The following ENTPD5 variants were observed in gnomAD, a reference collection of about 807,000 sequenced individuals.
The protein encoded by ENTPD5 is ectonucleoside triphosphate diphosphohydrolase 5 (inactive).
ENTPD5 carries 49 observed loss-of-function variants against 60.2 expected under a neutral mutation model. The observed-to-expected ratio is 0.81, with a 90% CI of 0.65 to 1.03. ENTPD5 has a LOEUF of 1.03. ENTPD5 is among the 50% of genes least tolerant of loss of function. The probability of loss-of-function intolerance (pLI) is 0.00; values close to 1 mark genes in which losing one functional copy is unlikely to be tolerated. For missense variants in ENTPD5, 480 were observed against 507.6 expected (o/e 0.95, Z 0.52); for synonymous variants, 187 against 185.4 (o/e 1.01, Z -0.07).
chr14:74,002,123 C>T (rs979996363), intron 3 of ENTPD5, among the ~76,000 whole-genome samples: 27 of 152,078 alleles, frequency 1.8e-4, no homozygotes, highest in Admixed American at 9.2e-4. Context: ...GAGTTAGGTG[C>T]TATTATTAAG....
chr14:73,991,625 A>AAAAAG (rs56259684), intron 3 of ENTPD5, among the ~76,000 whole-genome samples: 30,438 of 127,460 alleles, frequency 0.24, 4,802 homozygotes, highest in Non-Finnish European at 0.35. Flanking sequence ...AAAAAAAAAA[A>AAAAAG]ACAATTAGGG....
chr14:73,973,169 T>A, intron 12 of ENTPD5, 145 bp from the exon 13 acceptor site: 1 of 968,186 alleles, frequency 1.0e-6, no homozygotes, highest in Non-Finnish European at 1.5e-6. Flanking sequence ...ACAAGAGGCG[T>A]CAAAACAAAG....
intron 12 of ENTPD5, 88 bp downstream of exon 12, chr14:73,973,789 T>A (rs912797784): frequency 3.7e-5 from 41 of 1,113,204 alleles, no homozygotes; most frequent in Non-Finnish European, 5.6e-5. Flanking sequence ...GATAAGCTTC[T>A]CTTGAGTTCT....
At chr14:73,956,327 C>CAAA (rs34194477), downstream of ENTPD5, 12 of 146,456 alleles carry the variant, frequency 8.2e-5, no homozygotes, top group South Asian at 5.3e-4. Flanking sequence ...GACTCCGTCT[C>CAAA]AAAAAAAAAA....
At chr14:73,969,876 T>C in intron 15 of ENTPD5, 134 bp downstream of exon 15, 1 of 641,674 alleles carries the variant, frequency 1.6e-6, no homozygotes, top group Non-Finnish European at 2.8e-6. Context: ...CCCAGCACAG[T>C]ACCTTGTCCA....
intron 3 of ENTPD5, among the ~76,000 whole-genome samples, chr14:73,997,979 AC>A (rs753223336): frequency 2.5e-4 from 38 of 151,998 alleles, no homozygotes; most frequent in Admixed American, 7.9e-4. Flanking sequence ...TCCAAACTAG[AC>A]CATGGATAGG....
intron 15 of ENTPD5, among the ~76,000 whole-genome samples, chr14:73,967,713 T>A (rs1174845100): frequency 3.5e-5 from 5 of 143,776 alleles, no homozygotes; most frequent in African/African-American, 1.3e-4. Flanking sequence ...GGTGGGAGGG[T>A]CACTTGAACC....
At chr14:73,996,296 T>A in intron 3 of ENTPD5, 1 of 514,776 alleles carries the variant, frequency 1.9e-6, no homozygotes, top group Non-Finnish European at 2.5e-6. Flanking sequence ...CCTCCCTTAC[T>A]CTCTTTTTCT....
chr14:73,996,198 G>T, intron 3 of ENTPD5: 1 of 985,244 alleles, frequency 1.0e-6, no homozygotes. Context: ...TTAATCAAGC[G>T]AGCCTCATGA....
intron 5 of ENTPD5, among the ~76,000 whole-genome samples, chr14:73,984,904 C>T (rs1251208397): frequency 2.0e-5 from 3 of 152,110 alleles, no homozygotes; most frequent in African/African-American, 7.2e-5. Context: ...CCTGCTCCCG[C>T]CACCCCACGA....
At position 73,966,788 on chromosome 14, in the gene ENTPD5, C is replaced by G; in HGVS notation, c.*140G>C. The G allele has an allele frequency of 4.6e-6, 3 of 657,464 alleles. No individual in the cohort carries two copies. The highest frequency in any genetic ancestry group is 8.0e-6 in the Non-Finnish European group (3 of 376,194). 40.7% of individuals were successfully genotyped at this position (657,464 alleles called of 1,614,324 possible). ...TCTTGAGTGGTTAGGCAGCAGTTCACATTAGATGTGTAAAATTAATTAAAC... is the reference window on the plus strand; with the variant it reads ...TCTTGAGTGGTTAGGCAGCAGTTCAGATTAGATGTGTAAAATTAATTAAAC... On this transcript the variant is annotated 3_prime_UTR_variant, in exon 16 of 16. Coordinates refer to ENST00000334696, the MANE Select transcript of ENTPD5 (RefSeq NM_001249.5).
chr14:73,959,576 GTGT>G (rs748847174), downstream of ENTPD5: 38 of 1,613,066 alleles, frequency 2.4e-5, no homozygotes, highest in Middle Eastern at 1.6e-4. Flanking sequence ...ATACAGAAAG[GTGT>G]TGTTTTTTTT....
downstream of ENTPD5, chr14:73,960,469 G>A (rs2056665014): frequency 4.0e-6 from 4 of 992,600 alleles, no homozygotes; most frequent in Non-Finnish European, 4.8e-6. Flanking sequence ...CTCTGTAGTA[G>A]CAACAAGAAT....
chr14:74,002,831 T>C (rs1447410727), intron 3 of ENTPD5, among the ~76,000 whole-genome samples: 5 of 152,174 alleles, frequency 3.3e-5, no homozygotes, highest in Non-Finnish European at 5.9e-5. Flanking sequence ...TGGCTCCCCA[T>C]TTCAGAGAAA....
At position 73,977,378 on chromosome 14, in the gene ENTPD5, G is replaced by C; in HGVS notation, c.442-4C>G. On this transcript the variant is annotated splice_region_variant and splice_polypyrimidine_tract_variant and intron_variant, in intron 6 of 15. Transcript: ENST00000334696. ...ACTTCCTGAAGATCTCCTTTACCTA[G>C]AGAAAAAGGAAAAAAAAAAAAAAAG... The C allele has an allele frequency of 2.2e-6, 3 of 1,354,170 alleles. No homozygotes were observed. Among genetic ancestry groups the C allele is most frequent in the Non-Finnish European group, 2.0e-6 (2 of 993,710 alleles). 83.9% of individuals were successfully genotyped at this position (1,354,170 alleles called of 1,614,324 possible). A position where few individuals can be genotyped will look rare whatever the true frequency, so the allele number is the denominator to read the frequency against.
chr14:73,963,479 T>A lies in ENTPD5; in HGVS notation c.*3449A>T. The stretch of plus-strand genomic sequence containing the variant: ...GCTTTAACCTTTGTTACAGGTATAC[T>A]GGACTTTCTGAAAGGAAAACCAGGT... On this transcript the variant is annotated 3_prime_UTR_variant, in exon 16 of 16. Coordinates refer to ENST00000334696, the MANE Select transcript of ENTPD5 (RefSeq NM_001249.5). The A allele has an allele frequency of 5.4e-6, 1 of 184,530 alleles. No homozygotes were observed. The highest frequency in any genetic ancestry group is 1.1e-5 in the Non-Finnish European group (1 of 89,216). 11.4% of individuals were successfully genotyped at this position (184,530 alleles called of 1,614,324 possible). A position where few individuals can be genotyped will look rare whatever the true frequency, so the allele number is the denominator to read the frequency against.
downstream of ENTPD5, chr14:73,961,465 C>T (rs1310517729): frequency 5.0e-6 from 8 of 1,614,044 alleles, no homozygotes; most frequent in Non-Finnish European, 6.8e-6. Context: ...GGATGCAGCC[C>T]ACAGAGTCCA....
intron 14 of ENTPD5, among the ~76,000 whole-genome samples, chr14:73,970,972 G>A (rs960794691): frequency 6.6e-6 from 1 of 151,514 alleles, no homozygotes; most frequent in Non-Finnish European, 1.5e-5. Context: ...ACTACAGGTC[G>A]AACCACTGTG....
downstream of ENTPD5, chr14:73,960,818 C>T (rs1002744115): frequency 2.8e-5 from 11 of 387,924 alleles, no homozygotes; most frequent in Admixed American, 2.2e-4. Flanking sequence ...AGATGTTATC[C>T]TAATGAAATA....
Sources: allele counts gnomAD v4.1 joint callset (sites outside exome capture counted in the v4.1 genomes callset), GRCh38; gene constraint gnomAD v4.1.1; transcripts MANE v1.5; gene names NCBI Gene and HGNC (gene_info 2026-07-23, HGNC 2026-07-21).